PACSIN2: variants seen among roughly 807,000 people sequenced by gnomAD.
PACSIN2 encodes protein kinase C and casein kinase substrate in neurons protein 2.
Under a neutral mutation model 63.8 loss-of-function variants are expected in PACSIN2, and 25 were observed. The observed-to-expected ratio is 0.39, with a 90% CI of 0.29 to 0.55. The LOEUF (loss-of-function observed/expected upper bound fraction) is 0.55, where lower values mean the gene tolerates loss of function less well. Among genes scored for constraint, PACSIN2 ranks in the 20% least tolerant of loss-of-function variants. The pLI, the probability that PACSIN2 is intolerant of heterozygous loss-of-function variation, is 0.62. For missense variants in PACSIN2, 518 were observed against 646.9 expected (o/e 0.80, Z 2.16); for synonymous variants, 255 against 256.2 (o/e 1.00, Z 0.05).
At chr22:42,900,947 C>T (rs754153309) in intron 2 of PACSIN2, among the ~76,000 whole-genome samples, 7 of 152,172 alleles carry the variant, frequency 4.6e-5, no homozygotes, top group African/African-American at 1.2e-4. Context: ...TTCCAGCCAG[C>T]CCTGTGGGCG....
chr22:42,984,252 G>A (rs139263651), intron 1 of PACSIN2, among the ~76,000 whole-genome samples: 11 of 152,096 alleles, frequency 7.2e-5, no homozygotes, highest in Admixed American at 1.3e-4. Flanking sequence ...GATTACAGGT[G>A]TGAGCTACCA....
intron 2 of PACSIN2, among the ~76,000 whole-genome samples, chr22:42,900,489 T>C (rs1168190665): frequency 6.6e-6 from 1 of 152,196 alleles, no homozygotes; most frequent in Non-Finnish European, 1.5e-5. Flanking sequence ...TAAATTTTAT[T>C]ATTTTATTTG....
At chr22:42,922,377 C>T (rs1369156891) in intron 1 of PACSIN2, among the ~76,000 whole-genome samples, 1 of 151,778 alleles carries the variant, frequency 6.6e-6, no homozygotes, top group African/African-American at 2.4e-5. Flanking sequence ...TTTTTTAGGC[C>T]AAAAGGCTAT....
rs8135248 is a variant in PACSIN2, at chr22:42,978,212, T to C, written c.-78+36809A>G. 4.8e-3 allele frequency among the ~76,000 whole-genome samples: 728 copies of C among 152,300 alleles called. 1 individual carries two copies. The highest frequency in any genetic ancestry group is 0.015 in the African/African-American group (620 of 41,564). On this transcript the variant is annotated intron_variant, in intron 1 of 10. Transcript: ENST00000263246. ...CTCAAGAGAAGTGAAAATAACAAGT[T>C]GCTGAATAATGCCTACAATAGGTCC...
chr22:42,934,894 CTTTTCT>C (rs1270303406), intron 1 of PACSIN2, among the ~76,000 whole-genome samples: 3 of 94,334 alleles, frequency 3.2e-5, no homozygotes, highest in African/African-American at 4.4e-5. Flanking sequence ...TTTTCTCTTT[CTTTTCT>C]TTTCTTTCTT....
intron 1 of PACSIN2, among the ~76,000 whole-genome samples, chr22:42,962,117 C>T (rs1939665327): frequency 1.3e-5 from 2 of 152,198 alleles, no homozygotes; most frequent in South Asian, 2.1e-4. Context: ...TGGTGAAACC[C>T]CGTCTGTACT....
At chr22:43,014,931 G>C (rs1924788637) in intron 1 of PACSIN2, 90 bp downstream of exon 1, 1 of 149,652 alleles carries the variant, frequency 6.7e-6, no homozygotes. Context: ...GCCCTGACGG[G>C]GCGCGGGCCC....
chr22:42,993,172 CA>C (rs1301711012), intron 1 of PACSIN2, among the ~76,000 whole-genome samples: 213 of 133,436 alleles, frequency 1.6e-3, no homozygotes, highest in Admixed American at 1.4e-3. Context: ...GACTCCATCT[CA>C]AAAAAAAAAA....
At chr22:42,886,363 G>A (rs1000452119) in intron 5 of PACSIN2, among the ~76,000 whole-genome samples, 1 of 152,198 alleles carries the variant, frequency 6.6e-6, no homozygotes, top group Non-Finnish European at 1.5e-5. Flanking sequence ...TGTAGTTGAT[G>A]GCTGATAAGA....
chr22:42,954,258 A>G (rs1302714399), intron 1 of PACSIN2, among the ~76,000 whole-genome samples: 1 of 152,202 alleles, frequency 6.6e-6, no homozygotes, highest in Non-Finnish European at 1.5e-5. Context: ...GCAAGACCCT[A>G]TCTTGAAAGC....
intron 2 of PACSIN2, among the ~76,000 whole-genome samples, chr22:42,903,179 AG>A (rs1930822224): frequency 6.6e-6 from 1 of 152,190 alleles, no homozygotes; most frequent in South Asian, 2.1e-4. Flanking sequence ...AGGCAGCTAG[AG>A]GGGGCTCCAG....
At chr22:42,879,269 G>A (rs1928895194) in intron 7 of PACSIN2, 100 bp from the exon 8 acceptor site, 3 of 1,325,820 alleles carry the variant, frequency 2.3e-6, no homozygotes, top group Non-Finnish European at 3.1e-6. Context: ...AGTTGGCTCT[G>A]TGCATCTGAT....
At chr22:42,986,524 C>T (rs1284492192) in intron 1 of PACSIN2, among the ~76,000 whole-genome samples, 1 of 152,210 alleles carries the variant, frequency 6.6e-6, no homozygotes, top group Non-Finnish European at 1.5e-5. Flanking sequence ...CTCATTCCTC[C>T]ACAGTTCACG....
chr22:42,887,287 A>T (rs1929561990), intron 5 of PACSIN2, among the ~76,000 whole-genome samples: 2 of 152,082 alleles, frequency 1.3e-5, no homozygotes, highest in African/African-American at 4.8e-5. Flanking sequence ...TGCTACACCG[A>T]CGGCATAGCA....
chr22:42,994,953 C>A (rs981838191), intron 1 of PACSIN2, among the ~76,000 whole-genome samples: 2 of 152,204 alleles, frequency 1.3e-5, no homozygotes, highest in Non-Finnish European at 2.9e-5. Context: ...CTGGACTTTA[C>A]ACCAGGACTC....
rs527873276 is a variant in PACSIN2 at position 43,002,896 on chromosome 22, A to G, written c.-78+12125T>C. ...TAAAACATGGAAAATACTTGAGAAA[A>G]TATTTAAGTGAATCTGAATAATACA... On this transcript the variant is annotated intron_variant, in intron 1 of 10. Transcript: ENST00000263246. Among the ~76,000 whole-genome samples, 50 of 152,372 alleles carry G rather than the reference A, an allele frequency of 3.3e-4. No individual in the cohort carries two copies. The Middle Eastern group carries it at 0.01, about 31-fold the overall frequency.
At chr22:42,937,810 A>AG (rs1408656085) in intron 1 of PACSIN2, among the ~76,000 whole-genome samples, 1 of 152,074 alleles carries the variant, frequency 6.6e-6, no homozygotes, top group Admixed American at 6.5e-5. Flanking sequence ...CAGCATCCCT[A>AG]GGGGGTCACA....
At chr22:43,005,555 C>A (rs1268900267) in intron 1 of PACSIN2, among the ~76,000 whole-genome samples, 1 of 152,178 alleles carries the variant, frequency 6.6e-6, no homozygotes, top group Non-Finnish European at 1.5e-5. Context: ...AGGCCTCACC[C>A]ACACCAATGA....
At chr22:42,909,879 C>T (rs1187746740) in intron 2 of PACSIN2, among the ~76,000 whole-genome samples, 2 of 152,128 alleles carry the variant, frequency 1.3e-5, no homozygotes, top group Non-Finnish European at 2.9e-5. Context: ...CCAAGGGCAC[C>T]GCAGGAACAG....
Sources: gnomAD v4.1 joint callset for allele counts (sites outside exome capture counted in the v4.1 genomes callset) on GRCh38, gnomAD v4.1.1 for gene constraint, MANE v1.5 for transcripts, NCBI Gene and HGNC (gene_info 2026-07-23, HGNC 2026-07-21) for gene names.